TOX3: variants seen among roughly 807,000 people sequenced by gnomAD.
TOX3 encodes TOX high mobility group box family member 3.
TOX3 carries 22 observed loss-of-function variants against 64.3 expected under a neutral mutation model. The observed-to-expected ratio is 0.34, with a 90% CI of 0.24 to 0.49. The LOEUF is 0.49. Among genes scored for constraint, TOX3 ranks in the 20% least tolerant of loss-of-function variants. The pLI is 0.99. For missense variants in TOX3, 661 were observed against 714.4 expected (o/e 0.93, Z 0.85); for synonymous variants, 291 against 273.6 (o/e 1.06, Z -0.63).
chr16:52,448,915 CCT>C (rs1960250888), intron 4 of TOX3, among the ~76,000 whole-genome samples: 2 of 152,328 alleles, frequency 1.3e-5, no homozygotes, highest in Non-Finnish European at 2.9e-5. Flanking sequence ...GGAGAACACT[CCT>C]CTCTTTGTGG....
intron 1 of TOX3, among the ~76,000 whole-genome samples, chr16:52,530,266 A>G (rs1296636660): frequency 6.6e-6 from 1 of 152,168 alleles, no homozygotes; most frequent in East Asian, 1.9e-4. Context: ...TTAGTGTGCA[A>G]CTGGAATCAG....
intron 4 of TOX3, among the ~76,000 whole-genome samples, chr16:52,446,558 A>C (rs527704232): frequency 2.1e-3 from 322 of 152,314 alleles, no homozygotes; most frequent in South Asian, 4.2e-3. Flanking sequence ...AAAATATTTT[A>C]TATCTTCAGA....
At chr16:52,482,625 C>T (rs977240790) in intron 1 of TOX3, among the ~76,000 whole-genome samples, 2 of 151,990 alleles carry the variant, frequency 1.3e-5, no homozygotes, top group Non-Finnish European at 2.9e-5. Flanking sequence ...GTTAAACATG[C>T]AGCATATTTG....
rs975458443 is a variant in TOX3 at position 52,547,068 on chromosome 16, A to ACGGCGG, written c.-351_-346dup. 8 of 557,530 alleles carry ACGGCGG rather than the reference A, an allele frequency of 1.4e-5. No individual in the cohort carries two copies. The highest frequency in any genetic ancestry group is 8.3e-5 in the African/African-American group (4 of 48,264). 34.5% of individuals were successfully genotyped at this position (557,530 alleles called of 1,614,324 possible). A position where few individuals can be genotyped will look rare whatever the true frequency, so the allele number is the denominator to read the frequency against. ...TTCAGGTGCGCTGGGCGAGGCTGGG[A>ACGGCGG]CGGCGGCGGCGGCGGCGGCTGGCCC... On this transcript the variant is annotated 5_prime_UTR_variant, in exon 1 of 7. Coordinates refer to ENST00000219746, the MANE Select transcript of TOX3 (RefSeq NM_001080430.4).
chr16:52,503,504 G>A (rs1368474087), intron 1 of TOX3, among the ~76,000 whole-genome samples: 6 of 152,192 alleles, frequency 3.9e-5, no homozygotes, highest in African/African-American at 1.4e-4. Flanking sequence ...CCAGCATAAC[G>A]CCAGCATAAG....
intron 1 of TOX3, among the ~76,000 whole-genome samples, chr16:52,478,389 T>C (rs1961277890): frequency 6.6e-6 from 1 of 152,158 alleles, no homozygotes; most frequent in Non-Finnish European, 1.5e-5. Context: ...AGGTTTCTGC[T>C]CAATGTTCAC....
intron 1 of TOX3, among the ~76,000 whole-genome samples, chr16:52,523,832 T>C (rs1567350182): frequency 6.6e-6 from 1 of 152,200 alleles, no homozygotes; most frequent in African/African-American, 2.4e-5. Flanking sequence ...GAATATAGCA[T>C]CAATATTTAA....
chr16:52,460,167 C>T (rs1960645114), intron 3 of TOX3, among the ~76,000 whole-genome samples: 1 of 152,084 alleles, frequency 6.6e-6, no homozygotes, highest in African/African-American at 2.4e-5. Flanking sequence ...TTTTCTAATA[C>T]TCCGTTTGAT....
intron 6 of TOX3, among the ~76,000 whole-genome samples, chr16:52,442,066 C>A (rs980784787): frequency 6.6e-6 from 1 of 152,198 alleles, no homozygotes; most frequent in Non-Finnish European, 1.5e-5. Flanking sequence ...TATTTCAACA[C>A]CTGGGCAGCT....
chr16:52,450,066 G>A (rs1185477429), intron 4 of TOX3, among the ~76,000 whole-genome samples: 2 of 152,230 alleles, frequency 1.3e-5, no homozygotes, highest in Admixed American at 6.5e-5. Context: ...TACAGCTATA[G>A]TAGGAGAAGC....
intron 3 of TOX3, among the ~76,000 whole-genome samples, chr16:52,456,772 A>T (rs1242698750): frequency 6.6e-6 from 1 of 152,250 alleles, no homozygotes; most frequent in Non-Finnish European, 1.5e-5. Flanking sequence ...GGCCAATAGA[A>T]TGCCAAATAA....
At position 52,438,601 on chromosome 16, in the gene TOX3, T is replaced by C. The variant is rs1403138578; in HGVS notation, c.*624A>G. On this transcript the variant is annotated 3_prime_UTR_variant, in exon 7 of 7. Transcript: ENST00000219746. ...TGGTTTGATTTGGAGAAGTCATGGA[T>C]AAAAAGTGGAAATTAGTCAATAATT... 1 of 187,164 alleles carries C rather than the reference T, an allele frequency of 5.3e-6. No individual in the cohort carries two copies. The highest frequency in any genetic ancestry group is 1.1e-4 in the South Asian group (1 of 9,040). 11.6% of individuals were successfully genotyped at this position (187,164 alleles called of 1,614,324 possible). A position where few individuals can be genotyped will look rare whatever the true frequency, so the allele number is the denominator to read the frequency against.
intron 1 of TOX3, among the ~76,000 whole-genome samples, chr16:52,495,335 A>G (rs765288537): frequency 2.0e-4 from 30 of 152,202 alleles, no homozygotes; most frequent in Non-Finnish European, 3.4e-4. Flanking sequence ...TATAGAGAAC[A>G]GCCATGTGAC....
intron 1 of TOX3, among the ~76,000 whole-genome samples, chr16:52,471,620 T>C (rs1961047595): frequency 6.6e-6 from 1 of 152,182 alleles, no homozygotes; most frequent in Admixed American, 6.5e-5. Context: ...CTCTAGTATT[T>C]GTTGAAGGGA....
intron 1 of TOX3, among the ~76,000 whole-genome samples, chr16:52,478,665 A>C (rs1034496239): frequency 6.6e-6 from 1 of 152,218 alleles, no homozygotes; most frequent in Non-Finnish European, 1.5e-5. Context: ...TAAGTGAATG[A>C]GTGAGCCAGA....
rs191531885 is a variant in TOX3 at position 52,437,840 on chromosome 16, G to A, written c.*1385C>T. The stretch of plus-strand genomic sequence containing the variant: ...ACAATTACACAAATATTTCCAATGC[G>A]TTGTTTTGGTTTTTTCAAGGATCTT... On this transcript the variant is annotated 3_prime_UTR_variant, in exon 7 of 7. Coordinates refer to ENST00000219746, the MANE Select transcript of TOX3 (RefSeq NM_001080430.4). 8.9e-5 allele frequency among the ~76,000 whole-genome samples: 13 copies of A among 145,282 alleles called. No homozygotes were observed. The highest frequency in any genetic ancestry group is 3.0e-4 in the African/African-American group (12 of 39,442).
chr16:52,475,167 A>G (rs1961171631), intron 1 of TOX3, among the ~76,000 whole-genome samples: 1 of 152,234 alleles, frequency 6.6e-6, no homozygotes, highest in Non-Finnish European at 1.5e-5. Flanking sequence ...CAATATCATT[A>G]CTGCCTTTCT....
chr16:52,519,370 A>C, intron 1 of TOX3: 1 of 1,546,442 alleles, frequency 6.5e-7, no homozygotes, highest in Non-Finnish European at 8.7e-7. Flanking sequence ...GCCTGTCCAG[A>C]TCCATTAGAA....
chr16:52,538,573 G>C (rs1464045926), intron 1 of TOX3, among the ~76,000 whole-genome samples: 1 of 152,048 alleles, frequency 6.6e-6, no homozygotes, highest in Non-Finnish European at 1.5e-5. Context: ...GCAACATTTG[G>C]AATAGAAGGA....
Sources: allele counts gnomAD v4.1 joint callset (sites outside exome capture counted in the v4.1 genomes callset), GRCh38; gene constraint gnomAD v4.1.1; transcripts MANE v1.5; gene names NCBI Gene and HGNC (gene_info 2026-07-23, HGNC 2026-07-21).